Variants in GSAP observed in about 807,000 individuals in gnomAD.
GSAP encodes the protein gamma-secretase activating protein, also known as gamma-secretase-activating protein.
In GSAP, 118 loss-of-function variants were observed where a neutral mutation model predicts 131.7. That is an observed-to-expected ratio of 0.90 (90% CI 0.77 to 1.04). GSAP has a LOEUF of 1.04. Among genes scored for constraint, GSAP ranks in the 50% least tolerant of loss-of-function variants. GSAP has a pLI of 0.00. For missense variants in GSAP, 1,019 were observed against 1,013.2 expected (o/e 1.01, Z -0.08); for synonymous variants, 381 against 363.4 (o/e 1.05, Z -0.55).
chr7:77,349,532 A>C (rs1419230070), intron 18 of GSAP, 128 bp from the exon 19 acceptor site: 1 of 704,508 alleles, frequency 1.4e-6, no homozygotes, highest in Non-Finnish European at 2.5e-6. Context: ...CCTCTACTTT[A>C]AATAAACCTT....
intron 3 of GSAP, among the ~76,000 whole-genome samples, chr7:77,402,333 T>A (rs1646638481): frequency 7.1e-6 from 1 of 140,906 alleles, no homozygotes; most frequent in South Asian, 2.2e-4. Context: ...GATCACGAGG[T>A]CAAGAGATTG....
At chr7:77,382,461 T>G in intron 7 of GSAP, 113 bp downstream of exon 7, 1 of 639,386 alleles carries the variant, frequency 1.6e-6, no homozygotes, top group Non-Finnish European at 2.9e-6. Context: ...CATCAAAGCT[T>G]AGCAGACCCT....
chr7:77,373,570 T>C (rs1796437298), intron 12 of GSAP, among the ~76,000 whole-genome samples: 1 of 152,212 alleles, frequency 6.6e-6, no homozygotes, highest in Admixed American at 6.5e-5. Context: ...GGTATTTTTC[T>C]TTACCCTCTG....
intron 12 of GSAP, among the ~76,000 whole-genome samples, chr7:77,365,676 T>C (rs1795180507): frequency 6.6e-6 from 1 of 152,146 alleles, no homozygotes; most frequent in Admixed American, 6.6e-5. Flanking sequence ...CTAACATGAA[T>C]CACGCTGCAA....
rs779347328 is a variant in GSAP at position 77,311,348 on chromosome 7, GTT to G, written c.*8_*9del. On this transcript the variant is annotated 3_prime_UTR_variant, in exon 31 of 31. Transcript: ENST00000257626. ...AAATGGCAGCAGCAGATCCAATTGCGTTTTCTTTTTCATAAGCCTAAAAGCAT... is the reference window on the plus strand; with the variant it reads ...AAATGGCAGCAGCAGATCCAATTGCGTTCTTTTTCATAAGCCTAAAAGCAT... 6.5e-7 allele frequency: 1 copy of G among 1,544,478 alleles called. No individual in the cohort carries two copies. The highest frequency in any genetic ancestry group is 1.7e-5 in the Admixed American group (1 of 59,648).
Position 77,416,198 on chromosome 7 carries a change from G to T in GSAP, c.109+15C>A. 4.6e-6 allele frequency: 5 copies of T among 1,084,610 alleles called. No individual in the cohort carries two copies. Among genetic ancestry groups the T allele is most frequent in the Middle Eastern group, 3.1e-4 (1 of 3,222 alleles). The allele number at this position is 1,084,610 out of a possible 1,614,324, so 67.2% of individuals were successfully genotyped here. On this transcript the variant is annotated intron_variant, in intron 1 of 30. Coordinates refer to ENST00000257626, the MANE Select transcript of GSAP (RefSeq NM_017439.4). ...CTCCCCGCCCCCACCCCTCTCCGCA[G>T]CGCGCCTCCCGCACCTGCGCCGCCG...
chr7:77,375,587 A>G (rs1181939897), intron 10 of GSAP, among the ~76,000 whole-genome samples: 6 of 152,196 alleles, frequency 3.9e-5, no homozygotes, highest in African/African-American at 1.4e-4. Context: ...GCTCACGCCT[A>G]TAATTCCAGA....
intron 6 of GSAP, among the ~76,000 whole-genome samples, chr7:77,385,065 GCT>G (rs923361681): frequency 4.1e-5 from 6 of 145,026 alleles, no homozygotes; most frequent in African/African-American, 1.0e-4. Context: ...ATGGAGTTTC[GCT>G]CTGTTGCCCA....
Position 77,384,951 on chromosome 7 carries a change from C to A in GSAP, c.457-2308G>T, listed in dbSNP as rs553200855. On this transcript the variant is annotated intron_variant, in intron 6 of 30. Coordinates refer to ENST00000257626, the MANE Select transcript of GSAP (RefSeq NM_017439.4). ...AGGGCTAGGGACTAAGATGGGTCCACAGAATTAGTACAAGTTTTACTTTAT... is the reference window on the plus strand; with the variant it reads ...AGGGCTAGGGACTAAGATGGGTCCAAAGAATTAGTACAAGTTTTACTTTAT... 2.7e-4 allele frequency among the ~76,000 whole-genome samples: 41 copies of A among 151,930 alleles called. 1 individual carries two copies. The South Asian group carries it at 8.3e-3, about 31-fold the overall frequency.
chr7:77,366,212 T>C (rs184111773), intron 12 of GSAP, among the ~76,000 whole-genome samples: 28 of 152,332 alleles, frequency 1.8e-4, no homozygotes, highest in African/African-American at 5.1e-4. Flanking sequence ...TTAGTTTCTT[T>C]TGCTGTGCAG....
rs1012728259 is a variant in GSAP, at chr7:77,321,719, A to T, written c.1924-316T>A. Among the ~76,000 whole-genome samples the T allele has an allele frequency of 2.6e-4, 40 of 152,210 alleles. 1 individual carries two copies. The highest frequency in any genetic ancestry group is 8.9e-4 in the African/African-American group (37 of 41,446). On this transcript the variant is annotated intron_variant, in intron 24 of 30. Transcript: ENST00000257626. ...TCCATCAGTGAAGGTAAAGTGCTAC[A>T]GGGTTTGCTCCAGGCCTGTCACAAC...
At chr7:77,377,258 AG>A (rs760911411) in intron 9 of GSAP, 27 bp downstream of exon 9, 2 of 1,400,736 alleles carry the variant, frequency 1.4e-6, no homozygotes, top group East Asian at 2.5e-5. Context: ...AAAAAAAAAA[AG>A]GAGTGCCCGT....
At chr7:77,351,589 G>A (rs1386728241) in intron 18 of GSAP, 1 of 985,678 alleles carries the variant, frequency 1.0e-6, no homozygotes, top group Non-Finnish European at 1.2e-6. Flanking sequence ...GATTAGTTCA[G>A]TACAGGGAGG....
chr7:77,355,562 A>T lies in GSAP; in HGVS notation c.1113T>A (p.Phe371Leu). Residue 371 changes from phenylalanine to leucine, a missense_variant, in exon 15 of 31, where the codon TTT (phenylalanine) becomes TTA (leucine). Phe to Leu is a conservative substitution (Grantham distance 22). Coordinates refer to ENST00000257626, the MANE Select transcript of GSAP (RefSeq NM_017439.4). ...QHPDLICHNL[F>L]LTGNNEMIDM... ...GAAAAACTATAGCCGTACCTGTCAG[A>T]AAGAGATTGTGGCAGATCAGGTCTG... 1.2e-6 allele frequency: 2 copies of T among 1,607,890 alleles called. No homozygotes were observed. Among genetic ancestry groups the T allele is most frequent in the Non-Finnish European group, 1.7e-6 (2 of 1,174,456 alleles).
intron 8 of GSAP, among the ~76,000 whole-genome samples, chr7:77,378,214 G>A (rs1563070983): frequency 6.6e-6 from 1 of 152,188 alleles, no homozygotes; most frequent in African/African-American, 2.4e-5. Context: ...GGGCACAGTG[G>A]CTCATGCCTG....
At chr7:77,410,072 C>A (rs1036279835) in intron 1 of GSAP, among the ~76,000 whole-genome samples, 16 of 152,104 alleles carry the variant, frequency 1.1e-4, no homozygotes, top group Non-Finnish European at 5.9e-5. Context: ...GGGTTAAGAA[C>A]CATTGAACTA....
At chr7:77,393,336 C>T (rs1213045160) in intron 5 of GSAP, among the ~76,000 whole-genome samples, 5 of 152,158 alleles carry the variant, frequency 3.3e-5, no homozygotes, top group Admixed American at 3.3e-4. Flanking sequence ...GAAATCTTTA[C>T]TGAACAAAAT....
chr7:77,330,038 T>C, intron 20 of GSAP: 2 of 456,532 alleles, frequency 4.4e-6, no homozygotes, highest in Non-Finnish European at 7.4e-6. Flanking sequence ...CCTTAAACTT[T>C]CTGCTTTTCA....
chr7:77,317,937 C>T (rs536883404), intron 26 of GSAP, among the ~76,000 whole-genome samples: 17 of 152,316 alleles, frequency 1.1e-4, no homozygotes, highest in African/African-American at 4.1e-4. Context: ...TGGTCCCTTT[C>T]AACTCCTTTT....
Sources: allele counts gnomAD v4.1 joint callset (sites outside exome capture counted in the v4.1 genomes callset), GRCh38; gene constraint gnomAD v4.1.1; transcripts MANE v1.5; gene names NCBI Gene and HGNC (gene_info 2026-07-23, HGNC 2026-07-21).